INTS13: variants seen among roughly 807,000 people sequenced by gnomAD.
INTS13 encodes the protein asunder, spermatogenesis regulator homolog (Drosphila).
A neutral mutation model predicts 90.2 loss-of-function variants in INTS13; 35 were observed. The ratio of observed to expected loss-of-function variants is 0.39; its 90% CI spans 0.30 to 0.51. The LOEUF (loss-of-function observed/expected upper bound fraction) is 0.51, where lower values mean the gene tolerates loss of function less well. Among genes scored for constraint, INTS13 ranks in the 20% least tolerant of loss-of-function variants. INTS13 has a pLI of 0.80. For missense variants in INTS13, 601 were observed against 851.2 expected (o/e 0.71, Z 3.66); for synonymous variants, 309 against 277.1 (o/e 1.11, Z -1.14).
intron 15 of INTS13, among the ~76,000 whole-genome samples, chr12:26,910,833 T>A (rs1010980990): frequency 3.9e-5 from 6 of 152,074 alleles, no homozygotes; most frequent in Non-Finnish European, 4.4e-5. Flanking sequence ...AGAGCTTCAT[T>A]GGAAAATTTT....
intron 15 of INTS13, among the ~76,000 whole-genome samples, chr12:26,908,008 A>G (rs1951660361): frequency 6.6e-6 from 1 of 152,232 alleles, no homozygotes; most frequent in South Asian, 2.1e-4. Context: ...TGGTGCCACC[A>G]CTTTGGAAAA....
At chr12:26,916,959 A>C (rs1052725727) in intron 10 of INTS13, among the ~76,000 whole-genome samples, 1 of 152,194 alleles carries the variant, frequency 6.6e-6, no homozygotes. Context: ...TCAATGGGCC[A>C]AGATAAATGG....
chr12:26,915,426 TAAA>T (rs919602817), intron 11 of INTS13, among the ~76,000 whole-genome samples: 3 of 152,164 alleles, frequency 2.0e-5, no homozygotes, highest in Admixed American at 2.0e-4. Flanking sequence ...AAATCCTAAT[TAAA>T]AAGTTACTTA....
chr12:26,914,649 C>G, intron 11 of INTS13, 71 bp from the exon 12 acceptor site: 2 of 1,253,902 alleles, frequency 1.6e-6, no homozygotes, highest in Non-Finnish European at 2.2e-6. Flanking sequence ...ATGTACTAGT[C>G]TGTTTCCCTG....
rs1027776221 is a variant in INTS13 at position 26,914,667 on chromosome 12, C to T, written c.1249-89G>A. The stretch of plus-strand genomic sequence containing the variant: ...TACTAGTCTGTTTCCCTGATGTCTT[C>T]TGTCCTGTGATGTGCAACAAAACAT... On this transcript the variant is annotated intron_variant, in intron 11 of 16. Transcript: ENST00000261191. The T allele has an allele frequency of 2.7e-6, 3 of 1,096,182 alleles. No homozygotes were observed. The African/African-American group carries it at 4.8e-5, about 17-fold the overall frequency. The allele number at this position is 1,096,182 out of a possible 1,614,324, so 67.9% of individuals were successfully genotyped here.
intron 11 of INTS13, among the ~76,000 whole-genome samples, chr12:26,914,880 A>G (rs1315913683): frequency 6.6e-6 from 1 of 152,166 alleles, no homozygotes; most frequent in African/African-American, 2.4e-5. Flanking sequence ...TTTCTATCAC[A>G]CACAGATAAA....
At chr12:26,927,639 A>G (rs1009109479) in intron 5 of INTS13, among the ~76,000 whole-genome samples, 1 of 152,112 alleles carries the variant, frequency 6.6e-6, no homozygotes, top group Non-Finnish European at 1.5e-5. Flanking sequence ...TTTTTGAGAC[A>G]TGGTCTTGCT....
rs1285156513 is a variant in INTS13 at position 26,911,282 on chromosome 12, A to C, written c.1841T>G (p.Leu614Trp). The change falls in exon 15 of 17, where the codon TTG becomes TGG. Residue 614 changes from leucine (L) to tryptophan (W), a missense_variant. Leu to Trp is a moderately conservative substitution (Grantham distance 61). This residue lies in a region of INTS13 where 228 missense variants were observed against 272.5 expected (regional missense o/e 0.84). Coordinates refer to ENST00000261191, the MANE Select transcript of INTS13 (RefSeq NM_018164.3). ...ATCTTTTATAATCTCAGCTTCAGCC[A>C]ATTCTTCTTTTCCACGCTCTAAGAT... ...KGILERGKEE[L>W]AEAEIIKDSP... 11 of 1,613,510 alleles carry C rather than the reference A, an allele frequency of 6.8e-6. No homozygotes were observed. The highest frequency in any genetic ancestry group is 8.5e-6 in the Non-Finnish European group (10 of 1,179,734).
At chr12:26,933,453 G>A (rs1489257013) in intron 3 of INTS13, among the ~76,000 whole-genome samples, 1 of 152,110 alleles carries the variant, frequency 6.6e-6, no homozygotes, top group African/African-American at 2.4e-5. Flanking sequence ...TCTCAGCATT[G>A]GAGGCTATAA....
chr12:26,926,144 A>G (rs1937861430), intron 5 of INTS13, among the ~76,000 whole-genome samples: 1 of 152,242 alleles, frequency 6.6e-6, no homozygotes, highest in South Asian at 2.1e-4. Context: ...TAACTGCAAC[A>G]GCGAAAATGA....
rs776922436 is a variant in INTS13, at chr12:26,905,533, C to A, written c.2085G>T (p.Met695Ile). 6.2e-7 allele frequency: 1 copy of A among 1,611,302 alleles called. No homozygotes were observed. The highest frequency in any genetic ancestry group is 8.5e-7 in the Non-Finnish European group (1 of 1,178,970). The change falls in exon 17 of 17, where the codon ATG becomes ATT. Residue 695 changes from methionine to isoleucine, a missense_variant. Physicochemically the swap from Met to Ile is conservative, Grantham distance 10. Around this residue, in one of 3 missense-constraint regions of INTS13, gnomAD observed 228 missense variants for 272.5 expected, o/e 0.84. Transcript: ENST00000261191. ...LYQHLKEENGMETTENGKASR... is the reference protein window; with the variant it reads ...LYQHLKEENGIETTENGKASR... ...TGGCTTTTCCATTTTCTGTTGTCTCCATCCTGAAATAGGAAGAAAAAAACG... is the reference window on the plus strand; with the variant it reads ...TGGCTTTTCCATTTTCTGTTGTCTCAATCCTGAAATAGGAAGAAAAAAACG...
chr12:26,933,528 G>A (rs7980791), intron 3 of INTS13, among the ~76,000 whole-genome samples: 15,167 of 152,150 alleles, frequency 0.1, 1,016 homozygotes, highest in Non-Finnish European at 0.15. Flanking sequence ...TTTCCAACAC[G>A]GAATTTCTAC....
chr12:26,934,240 A>C (rs1938344916), intron 3 of INTS13, among the ~76,000 whole-genome samples: 2 of 152,354 alleles, frequency 1.3e-5, no homozygotes, highest in South Asian at 4.1e-4. Context: ...AATGCACCCC[A>C]GTCTGGGTGA....
intron 8 of INTS13, among the ~76,000 whole-genome samples, chr12:26,919,957 T>TTAAAA (rs1952060398): frequency 2.0e-5 from 3 of 151,908 alleles, no homozygotes; most frequent in African/African-American, 7.3e-5. Context: ...TGAAACCCCG[T>TTAAAA]CTCTATTAAA....
rs755304976 is a variant in INTS13 at position 26,905,414 on chromosome 12, C to T, written c.*83G>A. 1.6e-5 allele frequency: 20 copies of T among 1,268,820 alleles called. No individual in the cohort carries two copies. The highest frequency in any genetic ancestry group is 2.3e-5 in the Non-Finnish European group (20 of 882,798). 78.6% of individuals were successfully genotyped at this position (1,268,820 alleles called of 1,614,324 possible). ...AACCAGTCCAGGCAACATAACTATA[C>T]CATCTTGCTGTAAAAGTACTTATAT... is the stretch of plus-strand genomic sequence containing the variant. On this transcript the variant is annotated 3_prime_UTR_variant, in exon 17 of 17. Coordinates refer to ENST00000261191, the MANE Select transcript of INTS13 (RefSeq NM_018164.3).
intron 15 of INTS13, among the ~76,000 whole-genome samples, chr12:26,908,216 G>A (rs1321165149): frequency 1.3e-5 from 2 of 152,126 alleles, no homozygotes; most frequent in Non-Finnish European, 2.9e-5. Flanking sequence ...AGGGATTGAG[G>A]AGGAGAGTGA....
Position 26,906,457 on chromosome 12 carries a change from G to C in INTS13, c.1946-20C>G. The C allele has an allele frequency of 1.3e-6, 2 of 1,581,356 alleles. No individual in the cohort carries two copies. Among genetic ancestry groups the C allele is most frequent in the Non-Finnish European group, 1.7e-6 (2 of 1,169,974 alleles). ...CTGGCCCTAGTGTTATATTTAAAAG[G>C]AGAGAGAAAAAAAAGATAGAATAAT... On this transcript the variant is annotated intron_variant, in intron 15 of 16. Coordinates refer to ENST00000261191, the MANE Select transcript of INTS13 (RefSeq NM_018164.3).
intron 3 of INTS13, 39 bp from the exon 4 acceptor site, chr12:26,928,944 G>C: frequency 1.3e-6 from 2 of 1,547,772 alleles, no homozygotes; most frequent in Non-Finnish European, 1.8e-6. Flanking sequence ...ACAAGAGTAT[G>C]TGCAATTCAG....
intron 15 of INTS13, among the ~76,000 whole-genome samples, chr12:26,906,993 A>G (rs1951631424): frequency 6.6e-6 from 1 of 152,160 alleles, no homozygotes; most frequent in Non-Finnish European, 1.5e-5. Context: ...TCAGAAGGGA[A>G]GCAGGTGTTC....
Sources: allele counts gnomAD v4.1 joint callset (sites outside exome capture counted in the v4.1 genomes callset), GRCh38; gene constraint gnomAD v4.1.1; regional missense constraint gnomAD v4.1.1; transcripts MANE v1.5; gene names NCBI Gene and HGNC (gene_info 2026-07-23, HGNC 2026-07-21).